TNRC6A: variants seen among roughly 807,000 people sequenced by gnomAD.
TNRC6A encodes the protein trinucleotide repeat-containing gene 6A protein.
In TNRC6A, 44 loss-of-function variants were observed where a neutral mutation model predicts 221.2. The ratio of observed to expected loss-of-function variants is 0.20; its 90% CI spans 0.16 to 0.26. The LOEUF is 0.26. TNRC6A is among the 10% of genes least tolerant of loss of function. TNRC6A has a pLI of 1.00. For synonymous variants in TNRC6A, 847 were observed against 838.5 expected (o/e 1.01, Z -0.18); for missense variants, 2,199 against 2,404.4 (o/e 0.91, Z 1.79).
At chr16:24,774,088 A>G (rs1192207232) in intron 4 of TNRC6A, among the ~76,000 whole-genome samples, 1 of 152,152 alleles carries the variant, frequency 6.6e-6, no homozygotes, top group East Asian at 1.9e-4. Context: ...CGTTGAATAG[A>G]TGAAGTTTTC....
At chr16:24,703,716 G>A (rs1336427108) in intron 2 of TNRC6A, among the ~76,000 whole-genome samples, 1 of 152,154 alleles carries the variant, frequency 6.6e-6, no homozygotes, top group African/African-American at 2.4e-5. Context: ...TTTTTGTGTG[G>A]ATATATGCTT....
chr16:24,797,573 A>G lies in TNRC6A; in HGVS notation c.3642+3A>G, dbSNP rs774822192. 1 of 1,606,862 alleles carries G rather than the reference A, an allele frequency of 6.2e-7. No homozygotes were observed. The highest frequency in any genetic ancestry group is 1.7e-5 in the Admixed American group (1 of 59,140). On this transcript the variant is annotated splice_donor_region_variant and intron_variant, in intron 10 of 24. Transcript: ENST00000395799. ...AGTTTTCAAACATCAGTTTTTCGGT[A>G]AGTATGTTTTCTTAGCAGCTCCTTC...
intron 2 of TNRC6A, among the ~76,000 whole-genome samples, chr16:24,647,183 TG>T (rs1902339078): frequency 6.6e-6 from 1 of 152,150 alleles, no homozygotes; most frequent in South Asian, 2.1e-4. Context: ...CTGCCCACCT[TG>T]GCCTCCCAAA....
chr16:24,723,092 C>G (rs1463595670), intron 2 of TNRC6A, among the ~76,000 whole-genome samples: 1 of 152,146 alleles, frequency 6.6e-6, no homozygotes, highest in Non-Finnish European at 1.5e-5. Flanking sequence ...GGAGATATTA[C>G]GTGGGCCCAT....
intron 17 of TNRC6A, among the ~76,000 whole-genome samples, chr16:24,807,108 C>T (rs150240882): frequency 1.4e-3 from 206 of 151,692 alleles, no homozygotes; most frequent in Admixed American, 2.4e-3. Flanking sequence ...CGGGTTCAAG[C>T]GATTCTCGCA....
intron 17 of TNRC6A, among the ~76,000 whole-genome samples, chr16:24,807,250 C>G (rs1328548807): frequency 6.6e-6 from 1 of 152,206 alleles, no homozygotes; most frequent in East Asian, 1.9e-4. Flanking sequence ...GGTGATCTGC[C>G]TGCCTTGGCC....
chr16:24,727,302 T>A (rs1447196409), upstream of TNRC6A, among the ~76,000 whole-genome samples: 1 of 152,174 alleles, frequency 6.6e-6, no homozygotes. Context: ...GTGCTGGGAT[T>A]ACAGGCATGA....
chr16:24,801,008 CAATA>C (rs1398433421), intron 11 of TNRC6A, among the ~76,000 whole-genome samples: 2 of 152,186 alleles, frequency 1.3e-5, no homozygotes, highest in East Asian at 1.9e-4. Context: ...AGCTGAGAGA[CAATA>C]AATCAATAAA....
chr16:24,650,670 A>T (rs1902593266), intron 2 of TNRC6A, among the ~76,000 whole-genome samples: 1 of 152,066 alleles, frequency 6.6e-6, no homozygotes, highest in African/African-American at 2.4e-5. Flanking sequence ...GACTCAAAAA[A>T]AAAAAAAGAA....
intron 4 of TNRC6A, among the ~76,000 whole-genome samples, chr16:24,759,393 G>A (rs757011064): frequency 1.3e-5 from 2 of 152,134 alleles, no homozygotes; most frequent in Non-Finnish European, 2.9e-5. Flanking sequence ...TTTGTTTTAC[G>A]TTGTTTTCCA....
At chr16:24,624,835 A>G (rs1167128692) in intron 1 of TNRC6A, among the ~76,000 whole-genome samples, 1 of 152,212 alleles carries the variant, frequency 6.6e-6, no homozygotes, top group Non-Finnish European at 1.5e-5. Flanking sequence ...TGACGAAGTA[A>G]TACAAATTGT....
At chr16:24,768,627 G>C (rs1484300460) in intron 4 of TNRC6A, among the ~76,000 whole-genome samples, 2 of 151,972 alleles carry the variant, frequency 1.3e-5, no homozygotes, top group African/African-American at 4.8e-5. Context: ...AGCAATTTTA[G>C]GTAAATTTAA....
At chr16:24,769,211 A>G (rs997338304) in intron 4 of TNRC6A, among the ~76,000 whole-genome samples, 1 of 152,160 alleles carries the variant, frequency 6.6e-6, no homozygotes, top group East Asian at 1.9e-4. Context: ...ATGTTTTTAT[A>G]TAAGAAATAT....
intron 2 of TNRC6A, among the ~76,000 whole-genome samples, chr16:24,709,308 C>T (rs956573088): frequency 1.3e-5 from 2 of 151,342 alleles, no homozygotes; most frequent in African/African-American, 4.8e-5. Context: ...GACTTCTTTT[C>T]CTTTGGGTAG....
At chr16:24,817,533 T>C (rs1260336624) in intron 20 of TNRC6A, among the ~76,000 whole-genome samples, 1 of 152,196 alleles carries the variant, frequency 6.6e-6, no homozygotes, top group Non-Finnish European at 1.5e-5. Flanking sequence ...AGTCCAGATG[T>C]GCTTTTTAAT....
At chr16:24,656,375 G>C (rs2054911712) in intron 2 of TNRC6A, among the ~76,000 whole-genome samples, 1 of 150,262 alleles carries the variant, frequency 6.7e-6, no homozygotes, top group Admixed American at 6.7e-5. Context: ...GCTGAGGAAG[G>C]AGAATCGCTT....
chr16:24,636,193 G>A (rs1901628675), intron 1 of TNRC6A, among the ~76,000 whole-genome samples: 1 of 152,130 alleles, frequency 6.6e-6, no homozygotes, highest in Admixed American at 6.6e-5. Flanking sequence ...TGCCTTTTCA[G>A]CATTTATTAG....
rs776313818 is a variant in TNRC6A at position 24,820,180 on chromosome 16, G to T, written c.5122G>T (p.Val1708Phe). 6.2e-6 allele frequency: 10 copies of T among 1,613,962 alleles called. No homozygotes were observed. In the Admixed American group the frequency reaches 6.7e-5, roughly 11 times the overall value. ...DSKLTWSPGSVTNTSLAHELW... is the reference protein window; with the variant it reads ...DSKLTWSPGSFTNTSLAHELW... The stretch of plus-strand genomic sequence containing the variant: ...CAAATTGACATGGTCTCCTGGTTCA[G>T]TTACAAACACCTCTCTGGCTCATGA... Residue 1708 changes from valine to phenylalanine, a missense_variant, in exon 22 of 25, where the codon GTT becomes TTT. By Grantham distance (50) the Val-to-Phe change is conservative (BLOSUM62 -1). This residue lies in a region of TNRC6A where 449 missense variants were observed against 579.7 expected (regional missense o/e 0.77). Transcript: ENST00000395799.
At chr16:24,687,863 A>AAGC in intron 2 of TNRC6A, among the ~76,000 whole-genome samples, 1 of 150,604 alleles carries the variant, frequency 6.6e-6, no homozygotes, top group African/African-American at 2.4e-5. Flanking sequence ...GAAGAAGAAG[A>AAGC]AGAAGAAGAA....
Sources: gnomAD v4.1 joint callset for allele counts (sites outside exome capture counted in the v4.1 genomes callset) on GRCh38, gnomAD v4.1.1 for gene constraint, gnomAD v4.1.1 regional missense constraint, MANE v1.5 for transcripts, NCBI Gene and HGNC (gene_info 2026-07-23, HGNC 2026-07-21) for gene names.